The following SHTN1 variants were observed in gnomAD, a reference collection of about 807,000 sequenced individuals.
The protein encoded by SHTN1 is shootin-1.
A neutral mutation model predicts 83.1 loss-of-function variants in SHTN1; 42 were observed. The ratio of observed to expected loss-of-function variants is 0.51; its 90% CI spans 0.39 to 0.65. The LOEUF is 0.65. SHTN1 is among the 30% of genes least tolerant of loss of function. The pLI is 0.00. For synonymous variants in SHTN1, 224 were observed against 247.7 expected, an observed-to-expected ratio of 0.90 and a Z score of 0.90; for missense variants, 622 against 737.8, an observed-to-expected ratio of 0.84 and a Z score of 1.82.
At chr10:116,953,593 G>T (rs1849852456) in intron 5 of SHTN1, among the ~76,000 whole-genome samples, 2 of 150,580 alleles carry the variant, frequency 1.3e-5, no homozygotes, top group Non-Finnish European at 3.0e-5. Context: ...TTTTGGATAG[G>T]GTAGGACCCA....
At chr10:117,125,295 G>C (rs1386041798) in intron 1 of SHTN1, among the ~76,000 whole-genome samples, 1 of 152,162 alleles carries the variant, frequency 6.6e-6, no homozygotes, top group African/African-American at 2.4e-5. Context: ...GCAGCTCAGG[G>C]AAAGAGGATC....
intron 11 of SHTN1, among the ~76,000 whole-genome samples, chr10:116,922,083 T>C (rs764758307): frequency 2.0e-5 from 3 of 152,146 alleles, no homozygotes; most frequent in Non-Finnish European, 2.9e-5. Context: ...TTTGATATTA[T>C]GCAGAATAAA....
chr10:116,985,862 C>T (rs137921029), intron 1 of SHTN1, among the ~76,000 whole-genome samples: 4 of 152,252 alleles, frequency 2.6e-5, no homozygotes, highest in East Asian at 3.9e-4. Context: ...CCCAATGGGT[C>T]GTCCTCTTAT....
rs942305822 is a variant in SHTN1, at chr10:116,885,460, C to A, written c.*884G>T. On this transcript the variant is annotated 3_prime_UTR_variant, in exon 17 of 17. Coordinates refer to ENST00000355371, the MANE Select transcript of SHTN1 (RefSeq NM_001127211.3). ...TGCTTAATTTCTTTTTTAAAAAAAA[C>A]AACAACAAACCTGTGTAATATAGAA... The A allele has an allele frequency of 1.6e-4, 25 of 152,064 alleles. No individual in the cohort carries two copies. The highest frequency in any genetic ancestry group is 8.3e-4 in the South Asian group (4 of 4,802). 9.4% of individuals were successfully genotyped at this position (152,064 alleles called of 1,614,324 possible). A position where few individuals can be genotyped will look rare whatever the true frequency, so the allele number is the denominator to read the frequency against.
In SHTN1 at chr10:116,955,349, T is replaced by G. The variant is rs61593537; in HGVS notation, c.268-1139A>C. The stretch of plus-strand genomic sequence containing the variant: ...AGACTAAAAAATAAACAGTTTTCCT[T>G]AATTTGCGCACATCAAAGTAATCAG... On this transcript the variant is annotated intron_variant, in intron 4 of 16. Transcript: ENST00000355371. 6.6e-3 allele frequency among the ~76,000 whole-genome samples: 1,011 copies of G among 152,268 alleles called. 14 individuals carry two copies. The highest frequency in any genetic ancestry group is 0.023 in the African/African-American group (976 of 41,548).
intron 1 of SHTN1, among the ~76,000 whole-genome samples, chr10:117,087,387 G>A (rs2133617463): frequency 6.6e-6 from 1 of 152,288 alleles, no homozygotes; most frequent in Admixed American, 6.5e-5. Flanking sequence ...AAGACACCAT[G>A]GTGTTGGATC....
Position 116,906,696 on chromosome 10 carries a change from CA to C in SHTN1, c.1410del (p.Glu471LysfsTer7). The C allele has an allele frequency of 6.2e-7, 1 of 1,613,448 alleles. No homozygotes were observed. Among genetic ancestry groups the C allele is most frequent in the Non-Finnish European group, 8.5e-7 (1 of 1,179,620 alleles). On this transcript the variant is annotated frameshift_variant, in exon 15 of 17. Coordinates refer to ENST00000355371, the MANE Select transcript of SHTN1 (RefSeq NM_001127211.3). LOFTEE classifies it high-confidence loss of function. ...TSSRSLKSLD[P>X]ENSETELERI... is the part of the protein sequence containing the mutation. The stretch of plus-strand genomic sequence containing the variant: ...CTTTCTAACTCAGTTTCACTGTTTT[CA>C]GGGTCAAGGGATTTTAAGCTTCTTG...
intron 1 of SHTN1, among the ~76,000 whole-genome samples, chr10:117,073,486 C>T (rs930142822): frequency 1.3e-5 from 2 of 152,184 alleles, no homozygotes; most frequent in African/African-American, 4.8e-5. Flanking sequence ...GGCTGAGCCA[C>T]TTAACTACCA....
rs142931194 is a variant in SHTN1, at chr10:117,068,889, C to T, written c.-188-20379G>A. Among the ~76,000 whole-genome samples, 24 of 152,184 alleles carry T rather than the reference C, an allele frequency of 1.6e-4. No homozygotes were observed. In the East Asian group the frequency reaches 3.3e-3, roughly 21 times the overall value. Reference sequence around the variant, plus strand: ...CAGACATTAATTAAACCATTATTTCCGCTTTTGTTTATGTTTGAGAACATC... The same window carrying T: ...CAGACATTAATTAAACCATTATTTCTGCTTTTGTTTATGTTTGAGAACATC... On this transcript the variant is annotated intron_variant, in intron 1 of 17. Coordinates refer to the SHTN1 transcript ENST00000392901.
At chr10:116,900,615 C>A in intron 16 of SHTN1, 1 of 1,526,584 alleles carries the variant, frequency 6.6e-7, no homozygotes, top group South Asian at 1.2e-5. Context: ...TTGTCTCAGC[C>A]AAATTGCTTT....
At chr10:116,984,895 C>T (rs923849177) in intron 1 of SHTN1, among the ~76,000 whole-genome samples, 2 of 152,218 alleles carry the variant, frequency 1.3e-5, no homozygotes, top group African/African-American at 2.4e-5. Context: ...CTTCCCTAAA[C>T]CCTCTAAGAC....
intron 1 of SHTN1, among the ~76,000 whole-genome samples, chr10:117,113,939 C>T (rs1044536319): frequency 3.9e-5 from 6 of 152,056 alleles, no homozygotes; most frequent in African/African-American, 1.4e-4. Context: ...CCCAGCTGCT[C>T]GGGAGGCTGA....
At chr10:116,905,795 A>C (rs1847945315) in intron 15 of SHTN1, among the ~76,000 whole-genome samples, 1 of 152,198 alleles carries the variant, frequency 6.6e-6, no homozygotes, top group African/African-American at 2.4e-5. Context: ...AGTTTTTTGA[A>C]GTCGGCTTCC....
intron 2 of SHTN1, among the ~76,000 whole-genome samples, chr10:117,010,658 G>C (rs948913995): frequency 1.3e-5 from 2 of 152,156 alleles, no homozygotes; most frequent in African/African-American, 4.8e-5. Flanking sequence ...TTTCTCTTAT[G>C]AATATGGTTG....
intron 1 of SHTN1, among the ~76,000 whole-genome samples, chr10:117,050,346 TA>T (rs1852723059): frequency 6.6e-6 from 1 of 152,070 alleles, no homozygotes; most frequent in Admixed American, 6.6e-5. Context: ...TATAACAGTT[TA>T]AACAACTAAT....
At chr10:116,988,385 G>A (rs1253239118) in intron 1 of SHTN1, among the ~76,000 whole-genome samples, 2 of 151,566 alleles carry the variant, frequency 1.3e-5, no homozygotes, top group African/African-American at 4.8e-5. Flanking sequence ...AAGCCTAAAG[G>A]ATCTTGATAT....
chr10:117,069,324 G>A (rs1853047313), intron 1 of SHTN1, among the ~76,000 whole-genome samples: 1 of 152,172 alleles, frequency 6.6e-6, no homozygotes, highest in Non-Finnish European at 1.5e-5. Context: ...TCGGATTAGA[G>A]CAAGCTGAAG....
chr10:117,002,002 G>A (rs931272801), intron 1 of SHTN1, among the ~76,000 whole-genome samples: 2 of 152,168 alleles, frequency 1.3e-5, no homozygotes, highest in African/African-American at 2.4e-5. Context: ...GTAACATTCT[G>A]CCCATTAGAT....
intron 9 of SHTN1, among the ~76,000 whole-genome samples, chr10:116,931,780 A>T (rs1848978551): frequency 6.6e-6 from 1 of 152,228 alleles, no homozygotes. Context: ...ATAAAGGTAT[A>T]TATTTACAGA....
Sources: allele counts gnomAD v4.1 joint callset (sites outside exome capture counted in the v4.1 genomes callset), GRCh38; gene constraint gnomAD v4.1.1; transcripts MANE v1.5; gene names NCBI Gene and HGNC (gene_info 2026-07-23, HGNC 2026-07-21).